Variants in OR52W1 observed in about 807,000 individuals in gnomAD.
OR52W1 encodes olfactory receptor 52W1.
For missense variants in OR52W1, 418 were observed against 391.9 expected (o/e 1.07, Z -0.56); for synonymous variants, 158 against 165.1 (o/e 0.96, Z 0.33).
At position 6,199,949 on chromosome 11, in the gene OR52W1, C is replaced by T. The variant is rs74053127; in HGVS notation, c.726C>T (p.Ala242=). ...CTACCCGGGAGGCCCATGCCAAGGC[C>T]TTTGGTACATGTAGTTCTCACATCT... The part of the protein sequence containing the change: ...QLPTREAHAK[A]FGTCSSHICV... Residue 242 remains alanine (A), a synonymous_variant, in exon 1 of 1, where the codon GCC becomes GCT. Coordinates refer to ENST00000311352, the MANE Select transcript of OR52W1 (RefSeq NM_001005178.1). 6,632 of 1,614,166 alleles carry T rather than the reference C, an allele frequency of 4.1e-3. 195 individuals carry two copies. The African/African-American group carries it at 0.072, about 18-fold the overall frequency.
rs1846905650 is a variant in OR52W1, at chr11:6,199,648, C to T, written c.425C>T (p.Thr142Ile). 1.2e-6 allele frequency: 2 copies of T among 1,614,138 alleles called. No individual in the cohort carries two copies. The highest frequency in any genetic ancestry group is 1.7e-6 in the Non-Finnish European group (2 of 1,180,050). ...CCACTGCACTACCCTGTCCTGGTCACCAAAGCCTGTGTGGGTTATGCAGCC... is the reference window on the plus strand; with the variant it reads ...CCACTGCACTACCCTGTCCTGGTCATCAAAGCCTGTGTGGGTTATGCAGCC... Reference protein sequence around the residue: ...GRPLHYPVLVTKACVGYAALA... With the variant: ...GRPLHYPVLVIKACVGYAALA... Residue 142 changes from threonine to isoleucine, a missense_variant, in exon 1 of 1, where the codon ACC (threonine) becomes ATC (isoleucine). Physicochemically the swap from Thr to Ile is moderately conservative, Grantham distance 89 (BLOSUM62 -1). Coordinates refer to ENST00000311352, the MANE Select transcript of OR52W1 (RefSeq NM_001005178.1).
At position 6,199,812 on chromosome 11, in the gene OR52W1, A is replaced by G; in HGVS notation, c.589A>G (p.Thr197Ala). ...AGTGGTAGAACTGGTGGTGGGTAACACACAGGCCACCAACTTATATGGTCT... is the reference window on the plus strand; with the variant it reads ...AGTGGTAGAACTGGTGGTGGGTAACGCACAGGCCACCAACTTATATGGTCT... ...MAVVELVVGN[T>A]QATNLYGLAL... The change falls in exon 1 of 1, where the codon ACA (threonine) becomes GCA (alanine). Residue 197 changes from threonine (T) to alanine (A), a missense_variant. By Grantham distance (58) the Thr-to-Ala change is moderately conservative. Transcript: ENST00000311352. 2 of 1,614,196 alleles carry G rather than the reference A, an allele frequency of 1.2e-6. No homozygotes were observed. The highest frequency in any genetic ancestry group is 1.7e-6 in the Non-Finnish European group (2 of 1,180,028).
In OR52W1 at chr11:6,199,515, C is replaced by T; in HGVS notation, c.292C>T (p.Pro98Ser). The change falls in exon 1 of 1, where the codon CCA becomes TCA. Residue 98 changes from proline to serine, a missense_variant. Transcript: ENST00000311352. ...AVLWLGPRSVPYAVCLVQMFF... is the reference protein window; with the variant it reads ...AVLWLGPRSVSYAVCLVQMFF... ...GCTGTGGCTTGGGCCCCGATCTGTG[C>T]CATATGCTGTGTGCCTGGTCCAGAT... 6.2e-7 allele frequency: 1 copy of T among 1,614,192 alleles called. No individual in the cohort carries two copies. The highest frequency in any genetic ancestry group is 8.5e-7 in the Non-Finnish European group (1 of 1,180,008).
rs1846903849 is a variant in OR52W1 at position 6,199,518 on chromosome 11, T to C, written c.295T>C (p.Tyr99His). The change falls in exon 1 of 1, where the codon TAT becomes CAT. Residue 99 changes from tyrosine (Y) to histidine (H), a missense_variant. By Grantham distance (83) the Tyr-to-His change is moderately conservative. Coordinates refer to ENST00000311352, the MANE Select transcript of OR52W1 (RefSeq NM_001005178.1). ...VLWLGPRSVPYAVCLVQMFFV... is the reference protein window; with the variant it reads ...VLWLGPRSVPHAVCLVQMFFV... Reference sequence around the variant, plus strand: ...GTGGCTTGGGCCCCGATCTGTGCCATATGCTGTGTGCCTGGTCCAGATGTT... The same window carrying C: ...GTGGCTTGGGCCCCGATCTGTGCCACATGCTGTGTGCCTGGTCCAGATGTT... 1 of 1,614,194 alleles carries C rather than the reference T, an allele frequency of 6.2e-7. No homozygotes were observed. The highest frequency in any genetic ancestry group is 1.3e-5 in the African/African-American group (1 of 75,062).
At position 6,199,989 on chromosome 11, in the gene OR52W1, T is replaced by G. The variant is rs915843131; in HGVS notation, c.766T>G (p.Phe256Val). 6.2e-7 allele frequency: 1 copy of G among 1,613,986 alleles called. No homozygotes were observed. The highest frequency in any genetic ancestry group is 8.5e-7 in the Non-Finnish European group (1 of 1,179,978). The change falls in exon 1 of 1, where the codon TTC becomes GTC. Residue 256 changes from phenylalanine (F) to valine (V), a missense_variant. By Grantham distance (50) the Phe-to-Val change is conservative. Coordinates refer to ENST00000311352, the MANE Select transcript of OR52W1 (RefSeq NM_001005178.1). The stretch of plus-strand genomic sequence containing the variant: ...TTCTCACATCTGTGTCATTCTGGCC[T>G]TCTACATACCTGGTCTCTTCTCCTA... ...CSSHICVILA[F>V]YIPGLFSYLT...
rs1846906942 is a variant in OR52W1 at position 6,199,756 on chromosome 11, C to G, written c.533C>G (p.Thr178Ser). The G allele has an allele frequency of 6.2e-7, 1 of 1,614,088 alleles. No homozygotes were observed. Among genetic ancestry groups the G allele is most frequent in the African/African-American group, 1.3e-5 (1 of 74,940 alleles). ...VAKFEHFQAK[T>S]IGHTYCAHMA... ...AAGTTTGAGCACTTCCAAGCCAAGA[C>G]CATAGGCCATACCTATTGTGCACAC... Residue 178 changes from threonine (T) to serine (S), a missense_variant, in exon 1 of 1, where the codon ACC becomes AGC. Physicochemically the swap from Thr to Ser is moderately conservative, Grantham distance 58. Transcript: ENST00000311352.
chr11:6,199,465 C>G lies in OR52W1; in HGVS notation c.242C>G (p.Ser81Cys), dbSNP rs770551762. The change falls in exon 1 of 1, where the codon TCT (serine) becomes TGT (cysteine). Residue 81 changes from serine to cysteine, a missense_variant. Physicochemically the swap from Ser to Cys is moderately radical, Grantham distance 112. Transcript: ENST00000311352. ...LAATDLGLAT[S>C]IAPGLLAVLW... ...GCCACAGACCTGGGCTTAGCCACAT[C>G]TATAGCCCCAGGGTTGCTGGCTGTG... The G allele has an allele frequency of 1.2e-6, 2 of 1,614,136 alleles. No individual in the cohort carries two copies. The highest frequency in any genetic ancestry group is 1.7e-6 in the Non-Finnish European group (2 of 1,180,044).
In OR52W1 at chr11:6,199,781, C is replaced by T; in HGVS notation, c.558C>T (p.His186=). Residue 186 remains histidine, a synonymous_variant, in exon 1 of 1, where the codon CAC becomes CAT. Transcript: ENST00000311352. ...CCATAGGCCATACCTATTGTGCACA[C>T]ATGGCAGTGGTAGAACTGGTGGTGG... is the stretch of plus-strand genomic sequence containing the variant. The part of the protein sequence containing the change: ...AKTIGHTYCA[H]MAVVELVVGN... The T allele has an allele frequency of 6.2e-7, 1 of 1,614,186 alleles. No individual in the cohort carries two copies. The highest frequency in any genetic ancestry group is 8.5e-7 in the Non-Finnish European group (1 of 1,179,976).
Position 6,199,403 on chromosome 11 carries a change from G to A in OR52W1, c.180G>A (p.Leu60=), listed in dbSNP as rs762094241. The A allele has an allele frequency of 6.2e-7, 1 of 1,613,952 alleles. No individual in the cohort carries two copies. Among genetic ancestry groups the A allele is most frequent in the Non-Finnish European group, 8.5e-7 (1 of 1,179,824 alleles). ...CAGTGGTGTGGATAGACTCCACACT[G>A]CACCAGCCCATGTTTCTACTGTTGG... ...LPAVVWIDST[L]HQPMFLLLAI... is the part of the protein sequence containing the mutation. Residue 60 remains leucine (L), a synonymous_variant, in exon 1 of 1, where the codon CTG becomes CTA. Transcript: ENST00000311352.
In OR52W1 at chr11:6,199,812, A is replaced by T; in HGVS notation, c.589A>T (p.Thr197Ser). 1 of 1,614,196 alleles carries T rather than the reference A, an allele frequency of 6.2e-7. No individual in the cohort carries two copies. The highest frequency in any genetic ancestry group is 8.5e-7 in the Non-Finnish European group (1 of 1,180,028). The change falls in exon 1 of 1, where the codon ACA becomes TCA. Residue 197 changes from threonine to serine, a missense_variant. Physicochemically the swap from Thr to Ser is moderately conservative, Grantham distance 58 (BLOSUM62 1). Transcript: ENST00000311352. The stretch of plus-strand genomic sequence containing the variant: ...AGTGGTAGAACTGGTGGTGGGTAAC[A>T]CACAGGCCACCAACTTATATGGTCT... ...MAVVELVVGNTQATNLYGLAL... is the reference protein window; with the variant it reads ...MAVVELVVGNSQATNLYGLAL...
rs780486061 is a variant in OR52W1, at chr11:6,199,366, G to A, written c.143G>A (p.Gly48Glu). Residue 48 changes from glycine to glutamate, a missense_variant, in exon 1 of 1, where the codon GGA becomes GAA. Coordinates refer to ENST00000311352, the MANE Select transcript of OR52W1 (RefSeq NM_001005178.1). The stretch of plus-strand genomic sequence containing the variant: ...TATCTGCTGGCCCTGCTGGGCAATG[G>A]AGCACTGCCGGCAGTGGTGTGGATA... ...PIYLLALLGN[G>E]ALPAVVWIDS... is the part of the protein sequence containing the mutation. 23 of 1,613,994 alleles carry A rather than the reference G, an allele frequency of 1.4e-5. No homozygotes were observed. Among genetic ancestry groups the A allele is most frequent in the Non-Finnish European group, 8.5e-7 (1 of 1,179,948 alleles).
Position 6,199,485 on chromosome 11 carries a change from GCTGTGCTGTGGCTTGGGCCCCGAT to G in OR52W1, c.269_292del (p.Leu90_Val97del), listed in dbSNP as rs771100821. 6.2e-7 allele frequency: 1 copy of G among 1,614,246 alleles called. No homozygotes were observed. Among genetic ancestry groups the G allele is most frequent in the East Asian group, 2.2e-5 (1 of 44,884 alleles). ...CACATCTATAGCCCCAGGGTTGCTG[GCTGTGCTGTGGCTTGGGCCCCGAT>G]CTGTGCCATATGCTGTGTGCCTGGT... is the stretch of plus-strand genomic sequence containing the variant. On this transcript the variant is annotated inframe_deletion, in exon 1 of 1. Coordinates refer to ENST00000311352, the MANE Select transcript of OR52W1 (RefSeq NM_001005178.1).
At position 6,199,399 on chromosome 11, in the gene OR52W1, C is replaced by T; in HGVS notation, c.176C>T (p.Thr59Ile). 2 of 1,614,136 alleles carry T rather than the reference C, an allele frequency of 1.2e-6. No individual in the cohort carries two copies. The highest frequency in any genetic ancestry group is 1.7e-6 in the Non-Finnish European group (2 of 1,179,950). The change falls in exon 1 of 1, where the codon ACA becomes ATA. Residue 59 changes from threonine to isoleucine, a missense_variant. Transcript: ENST00000311352. ...ALPAVVWIDS[T>I]LHQPMFLLLA... ...CCGGCAGTGGTGTGGATAGACTCCA[C>T]ACTGCACCAGCCCATGTTTCTACTG... is the stretch of plus-strand genomic sequence containing the variant.
Position 6,200,114 on chromosome 11 carries a change from C to T in OR52W1, c.891C>T (p.Ile297=). 1 of 1,611,880 alleles carries T rather than the reference C, an allele frequency of 6.2e-7. No individual in the cohort carries two copies. The highest frequency in any genetic ancestry group is 8.5e-7 in the Non-Finnish European group (1 of 1,179,938). The change falls in exon 1 of 1, where the codon ATC becomes ATT. Residue 297 remains isoleucine (I), a synonymous_variant. Transcript: ENST00000311352. ...LLLPPALNPL[I]YGARTKQIRD... is the part of the protein sequence containing the mutation. ...TGCCACCTGCCCTCAACCCCCTCAT[C>T]TATGGGGCCCGCACCAAGCAGATCA...
Position 6,199,452 on chromosome 11 carries a change from G to C in OR52W1, c.229G>C (p.Gly77Arg). Residue 77 changes from glycine to arginine, a missense_variant, in exon 1 of 1, where the codon GGC becomes CGC. Physicochemically the swap from Gly to Arg is moderately radical, Grantham distance 125. Transcript: ENST00000311352. ...LLAILAATDL[G>R]LATSIAPGLL... ...GGCCATCCTGGCAGCCACAGACCTG[G>C]GCTTAGCCACATCTATAGCCCCAGG... 1.2e-6 allele frequency: 2 copies of C among 1,614,198 alleles called. No individual in the cohort carries two copies. Among genetic ancestry groups the C allele is most frequent in the Non-Finnish European group, 1.7e-6 (2 of 1,180,022 alleles).
Position 6,199,565 on chromosome 11 carries a change from C to T in OR52W1, c.342C>T (p.Ala114=). The T allele has an allele frequency of 1.2e-6, 2 of 1,614,256 alleles. No individual in the cohort carries two copies. Among genetic ancestry groups the T allele is most frequent in the Non-Finnish European group, 1.7e-6 (2 of 1,180,048 alleles). ...VQMFFVHALT[A]MESGVLLAMA... ...TGTTCTTTGTACATGCACTGACTGC[C>T]ATGGAATCAGGTGTGCTTTTGGCCA... Residue 114 remains alanine (A), a synonymous_variant, in exon 1 of 1, where the codon GCC becomes GCT. Coordinates refer to ENST00000311352, the MANE Select transcript of OR52W1 (RefSeq NM_001005178.1).
chr11:6,199,688 G>A lies in OR52W1; in HGVS notation c.465G>A (p.Leu155=), dbSNP rs1176246009. The change falls in exon 1 of 1, where the codon CTG becomes CTA. Residue 155 remains leucine, a synonymous_variant. Transcript: ENST00000311352. ...CVGYAALALA[L]KAVAIVVPFP... The stretch of plus-strand genomic sequence containing the variant: ...GTTATGCAGCCTTGGCCCTGGCACT[G>A]AAAGCTGTGGCTATTGTTGTACCTT... The A allele has an allele frequency of 1.9e-6, 3 of 1,614,122 alleles. No individual in the cohort carries two copies. Among genetic ancestry groups the A allele is most frequent in the African/African-American group, 2.7e-5 (2 of 74,948 alleles).
Position 6,200,117 on chromosome 11 carries a change from TG to T in OR52W1, c.898del (p.Ala300ProfsTer?). The T allele has an allele frequency of 6.2e-7, 1 of 1,611,606 alleles. No homozygotes were observed. Among genetic ancestry groups the T allele is most frequent in the Non-Finnish European group, 8.5e-7 (1 of 1,179,950 alleles). ...CACCTGCCCTCAACCCCCTCATCTA[TG>T]GGGCCCGCACCAAGCAGATCAGAGA... Reference protein sequence around the residue: ...LPPALNPLIYGARTKQIRDRL... With the variant: ...LPPALNPLIYXARTKQIRDRL... On this transcript the variant is annotated frameshift_variant, in exon 1 of 1. Transcript: ENST00000311352. LOFTEE classifies it high-confidence loss of function.
chr11:6,199,873 T>C lies in OR52W1; in HGVS notation c.650T>C (p.Leu217Pro). The change falls in exon 1 of 1, where the codon CTG becomes CCG. Residue 217 changes from leucine to proline, a missense_variant. By Grantham distance (98) the Leu-to-Pro change is moderately conservative. Transcript: ENST00000311352. ...CTGGCCATCTCAGGTATGGATATTC[T>C]GGGTATCACTGGCTCCTATGGACTC... ...LSLAISGMDILGITGSYGLIA... is the reference protein window; with the variant it reads ...LSLAISGMDIPGITGSYGLIA... 6.2e-7 allele frequency: 1 copy of C among 1,614,176 alleles called. No individual in the cohort carries two copies. The highest frequency in any genetic ancestry group is 8.5e-7 in the Non-Finnish European group (1 of 1,179,974).
Sources: gnomAD v4.1 joint callset for allele counts on GRCh38, gnomAD v4.1.1 for gene constraint, MANE v1.5 for transcripts, NCBI Gene and HGNC (gene_info 2026-07-23, HGNC 2026-07-21) for gene names.